GNG2: variants seen among roughly 807,000 people sequenced by gnomAD.
GNG2 encodes guanine nucleotide-binding protein G(I)/G(S)/G(O) subunit gamma-2.
Under a neutral mutation model 5.5 loss-of-function variants are expected in GNG2, and 5 were observed. The ratio of observed to expected loss-of-function variants is 0.91; its 90% CI spans 0.48 to 1.92. GNG2 has a LOEUF of 1.92. Ranked by LOEUF, GNG2 falls within the 30% of genes most tolerant of loss-of-function variation. The pLI is 0.01. For synonymous variants in GNG2, 28 were observed against 32.0 expected, an observed-to-expected ratio of 0.88 and a Z score of 0.42; for missense variants, 55 against 88.4, an observed-to-expected ratio of 0.62 and a Z score of 1.52.
At chr14:51,878,290 C>T (rs973002167) in intron 2 of GNG2, among the ~76,000 whole-genome samples, 3 of 152,178 alleles carry the variant, frequency 2.0e-5, no homozygotes, top group African/African-American at 4.8e-5. Context: ...TTCCCCTCCC[C>T]CACCATTTTA....
At chr14:51,877,538 C>T in intron 1 of GNG2, 79 bp from the exon 2 acceptor site, 1 of 441,974 alleles carries the variant, frequency 2.3e-6, no homozygotes. Flanking sequence ...AAACTTCATT[C>T]ATTCTACTTA....
chr14:51,889,619 A>C (rs928609076), intron 2 of GNG2, among the ~76,000 whole-genome samples: 1 of 152,170 alleles, frequency 6.6e-6, no homozygotes, highest in Non-Finnish European at 1.5e-5. Flanking sequence ...CATTAATTTA[A>C]TTTCCCTTTT....
At chr14:51,827,751 G>C (rs939574849) in exon 2 of GNG2, 1 of 701,534 alleles carries the variant, frequency 1.4e-6, no homozygotes, top group Non-Finnish European at 2.6e-6. Context: ...GGCATGCAGG[G>C]GAAATTGCAA....
intron 2 of GNG2, among the ~76,000 whole-genome samples, chr14:51,881,724 T>TA (rs1555351102): frequency 0.023 from 3,270 of 143,234 alleles, 206 homozygotes; most frequent in East Asian, 0.21. Context: ...TTTTTTTTTT[T>TA]AACGTATTTA....
chr14:51,889,246 G>A (rs1884675898), intron 2 of GNG2, among the ~76,000 whole-genome samples: 1 of 151,674 alleles, frequency 6.6e-6, no homozygotes, highest in African/African-American at 2.4e-5. Flanking sequence ...CCAAGTAGCT[G>A]GGACTACAGG....
chr14:51,841,533 A>C, intron 2 of GNG2: 1 of 702,260 alleles, frequency 1.4e-6, no homozygotes, highest in Non-Finnish European at 2.6e-6. Flanking sequence ...TAGAAAAGTC[A>C]CACAGCTAAT....
chr14:51,914,840 C>T (rs891280864), intron 2 of GNG2, among the ~76,000 whole-genome samples: 5 of 152,232 alleles, frequency 3.3e-5, no homozygotes, highest in East Asian at 1.9e-4. Flanking sequence ...CACTCACTTA[C>T]GCATAACTTT....
chr14:51,880,818 T>G (rs1342219831), intron 2 of GNG2, among the ~76,000 whole-genome samples: 1 of 152,124 alleles, frequency 6.6e-6, no homozygotes, highest in Non-Finnish European at 1.5e-5. Context: ...GTCACATTGA[T>G]GCATTGTTAA....
chr14:51,895,529 A>T (rs546471531), intron 2 of GNG2, among the ~76,000 whole-genome samples: 3 of 152,226 alleles, frequency 2.0e-5, no homozygotes, highest in Non-Finnish European at 4.4e-5. Context: ...AAACATCTGG[A>T]AAAAAGGCCA....
intron 1 of GNG2, among the ~76,000 whole-genome samples, chr14:51,874,799 G>T (rs947588659): frequency 7.3e-5 from 11 of 151,708 alleles, no homozygotes; most frequent in African/African-American, 2.7e-4. Context: ...AAGTTTTACT[G>T]CTTAGAATAT....
At chr14:51,865,095 T>C (rs1215166413) in intron 1 of GNG2, among the ~76,000 whole-genome samples, 1 of 152,190 alleles carries the variant, frequency 6.6e-6, no homozygotes, top group Non-Finnish European at 1.5e-5. Flanking sequence ...GACGTTGACC[T>C]TGAATGGTTT....
Position 51,943,709 on chromosome 14 carries a change from A to G in GNG2, c.-29-6941A>G, listed in dbSNP as rs530151165. Among the ~76,000 whole-genome samples the G allele has an allele frequency of 2.6e-5, 4 of 152,378 alleles. No homozygotes were observed. In the South Asian group the frequency reaches 8.3e-4, roughly 32 times the overall value. On this transcript the variant is annotated intron_variant, in intron 2 of 3. Transcript: ENST00000556766. ...AAGAAAAAATTCCATTAACAGTAGC[A>G]TCAAAAAGAATAAAATAGTTAAGAA...
chr14:51,835,453 G>A (rs924047244), intron 2 of GNG2, among the ~76,000 whole-genome samples: 1 of 152,188 alleles, frequency 6.6e-6, no homozygotes, highest in African/African-American at 2.4e-5. Context: ...TAAGATAGCT[G>A]TTTGCAAACT....
chr14:51,888,727 T>G (rs929612542), intron 2 of GNG2, among the ~76,000 whole-genome samples: 1 of 152,204 alleles, frequency 6.6e-6, no homozygotes, highest in East Asian at 1.9e-4. Context: ...GCAGATATAA[T>G]AGTAATTGTG....
At chr14:51,912,048 T>A (rs1184791079) in intron 2 of GNG2, among the ~76,000 whole-genome samples, 1 of 147,870 alleles carries the variant, frequency 6.8e-6, no homozygotes, top group Non-Finnish European at 1.5e-5. Flanking sequence ...GGTGTTATCA[T>A]CCCCACTTTC....
chr14:51,858,054 G>T (rs1215902520), upstream of GNG2, among the ~76,000 whole-genome samples: 1 of 152,192 alleles, frequency 6.6e-6, no homozygotes, highest in Non-Finnish European at 1.5e-5. Flanking sequence ...GTATTTTACA[G>T]ACTTTGTTTT....
At chr14:51,955,644 G>A (rs947641780) in intron 3 of GNG2, among the ~76,000 whole-genome samples, 13 of 152,146 alleles carry the variant, frequency 8.5e-5, no homozygotes, top group African/African-American at 2.9e-4. Context: ...GAGATTCCAA[G>A]CATGAATGTA....
At chr14:51,828,292 T>C (rs966884881) in intron 2 of GNG2, among the ~76,000 whole-genome samples, 8 of 152,062 alleles carry the variant, frequency 5.3e-5, no homozygotes, top group African/African-American at 1.9e-4. Context: ...TTTCACACAG[T>C]AGGGAAGTTT....
chr14:51,921,277 T>C (rs1169345522), intron 2 of GNG2, among the ~76,000 whole-genome samples: 1 of 152,194 alleles, frequency 6.6e-6, no homozygotes, highest in Non-Finnish European at 1.5e-5. Flanking sequence ...GTTGTGAGAA[T>C]TCAGTGAATT....
Sources: allele counts gnomAD v4.1 joint callset (sites outside exome capture counted in the v4.1 genomes callset), GRCh38; gene constraint gnomAD v4.1.1; transcripts MANE v1.5; gene names NCBI Gene and HGNC (gene_info 2026-07-23, HGNC 2026-07-21).